The following TMEM63C variants were observed in gnomAD, a reference collection of about 807,000 sequenced individuals.
TMEM63C encodes transmembrane protein 63C.
TMEM63C carries 32 observed loss-of-function variants against 99.2 expected under a neutral mutation model. The ratio of observed to expected loss-of-function variants is 0.32; its 90% CI spans 0.24 to 0.43. The LOEUF is 0.43. Ranked by LOEUF, TMEM63C falls within the 20% of genes least tolerant of loss-of-function variation. The probability of loss-of-function intolerance (pLI) is 1.00; values close to 1 mark genes in which losing one functional copy is unlikely to be tolerated. For synonymous variants in TMEM63C, 376 were observed against 397.9 expected, an observed-to-expected ratio of 0.94 and a Z score of 0.66; for missense variants, 826 against 1,053.0, an observed-to-expected ratio of 0.78 and a Z score of 2.98.
In TMEM63C at chr14:77,256,675, G is replaced by A. The variant is rs779949439; in HGVS notation, c.2370G>A (p.Ser790=). The A allele has an allele frequency of 7.4e-6, 12 of 1,613,828 alleles. No homozygotes were observed. Among genetic ancestry groups the A allele is most frequent in the African/African-American group, 5.3e-5 (4 of 74,906 alleles). ...GLRGFARELD[S]AQFQEGLELE... is the part of the protein sequence containing the mutation. The stretch of plus-strand genomic sequence containing the variant: ...GGGGCTTTGCGAGGGAGCTAGACTC[G>A]GCCCAGTTCCAGGAAGGGCTGGAAC... The change falls in exon 24 of 24, where the codon TCG becomes TCA. Residue 790 remains serine (S), a synonymous_variant. Coordinates refer to ENST00000298351, the MANE Select transcript of TMEM63C (RefSeq NM_020431.4).
At chr14:77,202,825 GCACACACACACACACACA>G (rs60544528) in intron 1 of TMEM63C, among the ~76,000 whole-genome samples, 71 of 141,102 alleles carry the variant, frequency 5.0e-4, no homozygotes, top group African/African-American at 6.1e-4. Flanking sequence ...ACAGGCAGGC[GCACACACACACACACACA>G]CACACACACA....
At chr14:77,204,018 T>C (rs978786713) in intron 1 of TMEM63C, among the ~76,000 whole-genome samples, 1 of 152,236 alleles carries the variant, frequency 6.6e-6, no homozygotes, top group African/African-American at 2.4e-5. Flanking sequence ...GGGGAGAGGC[T>C]GGAGGGAGAA....
chr14:77,193,539 TAA>T (rs898180495), intron 1 of TMEM63C, among the ~76,000 whole-genome samples: 2 of 151,168 alleles, frequency 1.3e-5, no homozygotes, highest in Non-Finnish European at 2.9e-5. Flanking sequence ...CTACAAAAAT[TAA>T]AAAAAAATTT....
Position 77,252,206 on chromosome 14 carries a change from A to C in TMEM63C, c.2148+308A>C, listed in dbSNP as rs1218542694. On this transcript the variant is annotated intron_variant, in intron 22 of 23. Transcript: ENST00000298351. ...GCTGCGATGTGAGTCCAGTGCAGCC[A>C]CTGAACTGTGAGCCTCCAAGGACTG... Among the ~76,000 whole-genome samples the C allele has an allele frequency of 1.8e-4, 28 of 152,276 alleles. 2 individuals are homozygous for C. Among genetic ancestry groups the C allele is most frequent in the Non-Finnish European group, 1.5e-5 (1 of 68,022 alleles).
Position 77,236,665 on chromosome 14 carries a change from A to G in TMEM63C, c.584A>G (p.Tyr195Cys). The G allele has an allele frequency of 1.2e-6, 2 of 1,612,640 alleles. No homozygotes were observed. Among genetic ancestry groups the G allele is most frequent in the African/African-American group, 1.3e-5 (1 of 74,772 alleles). ...CTGCATAGCCTGCTGTCCTTCTTCT[A>G]CTTCATCACCAACTTCATGTTCATG... is the stretch of plus-strand genomic sequence containing the variant. ...LWLHSLLSFFYFITNFMFMAH... is the reference protein window; with the variant it reads ...LWLHSLLSFFCFITNFMFMAH... Residue 195 changes from tyrosine to cysteine, a missense_variant, in exon 9 of 24, where the codon TAC becomes TGC. Physicochemically the swap from Tyr to Cys is radical, Grantham distance 194. Coordinates refer to ENST00000298351, the MANE Select transcript of TMEM63C (RefSeq NM_020431.4).
At position 77,256,565 on chromosome 14, in the gene TMEM63C, C is replaced by A. The variant is rs1266333761; in HGVS notation, c.2260C>A (p.Leu754Met). 1 of 1,614,038 alleles carries A rather than the reference C, an allele frequency of 6.2e-7. No individual in the cohort carries two copies. Residue 754 changes from leucine (L) to methionine (M), a missense_variant, in exon 24 of 24, where the codon CTG becomes ATG. Leu to Met is a conservative substitution (Grantham distance 15, BLOSUM62 2). Transcript: ENST00000298351. ...ATVLQEPELN[L>M]TPASSPARHT... ...CGTGCTGCAAGAACCGGAGTTGAAT[C>A]TGACCCCCGCCTCCTCCCCAGCCAG...
chr14:77,223,452 G>C (rs1276505220), intron 5 of TMEM63C, among the ~76,000 whole-genome samples: 1 of 152,152 alleles, frequency 6.6e-6, no homozygotes, highest in Non-Finnish European at 1.5e-5. Context: ...GTCAGGTACT[G>C]TTACCCCCAG....
At chr14:77,254,444 A>G (rs1889428634) in intron 23 of TMEM63C, among the ~76,000 whole-genome samples, 1 of 152,268 alleles carries the variant, frequency 6.6e-6, no homozygotes, top group Non-Finnish European at 1.5e-5. Flanking sequence ...AGGTGCTTCC[A>G]TAATGAAGAG....
intron 1 of TMEM63C, among the ~76,000 whole-genome samples, chr14:77,201,768 G>A (rs746936899): frequency 1.9e-4 from 29 of 152,246 alleles, no homozygotes; most frequent in Non-Finnish European, 3.4e-4. Context: ...CACCAAAGAG[G>A]AGAGGAAGTA....
In TMEM63C at chr14:77,257,317, T is replaced by G. The variant is rs1320827006; in HGVS notation, c.*591T>G. On this transcript the variant is annotated 3_prime_UTR_variant, in exon 24 of 24. Coordinates refer to ENST00000298351, the MANE Select transcript of TMEM63C (RefSeq NM_020431.4). Reference sequence around the variant, plus strand: ...CCAGAGCAAGAGCCAACTGAAAGCGTAGACCTGAGAAGAGGTAACTCAGCC... The same window carrying G: ...CCAGAGCAAGAGCCAACTGAAAGCGGAGACCTGAGAAGAGGTAACTCAGCC... 6.5e-6 allele frequency: 1 copy of G among 153,122 alleles called. No homozygotes were observed. 9.5% of individuals were successfully genotyped at this position (153,122 alleles called of 1,614,324 possible).
intron 1 of TMEM63C, among the ~76,000 whole-genome samples, chr14:77,201,876 C>A (rs1394549245): frequency 1.3e-5 from 2 of 152,220 alleles, no homozygotes; most frequent in Non-Finnish European, 2.9e-5. Context: ...CTACTGGACC[C>A]CCACTCCTGA....
At position 77,259,273 on chromosome 14, in the gene TMEM63C, G is replaced by A. The variant is rs1250988647; in HGVS notation, c.*2547G>A. On this transcript the variant is annotated 3_prime_UTR_variant, in exon 24 of 24. Transcript: ENST00000298351. The stretch of plus-strand genomic sequence containing the variant: ...GTATTGCCTAGAGCCTCCAGGAGGG[G>A]CCCTCCTCAGGCCTCCAGTGGCCCC... 1 of 152,450 alleles carries A rather than the reference G, an allele frequency of 6.6e-6. No homozygotes were observed. The highest frequency in any genetic ancestry group is 1.5e-5 in the Non-Finnish European group (1 of 68,264). The allele number at this position is 152,450 out of a possible 1,614,324, so 9.4% of individuals were successfully genotyped here.
intron 6 of TMEM63C, among the ~76,000 whole-genome samples, chr14:77,228,926 G>A (rs1414589550): frequency 6.6e-6 from 1 of 152,242 alleles, no homozygotes; most frequent in Admixed American, 6.5e-5. Flanking sequence ...AAACCATGGT[G>A]TGTCCACCAG....
intron 6 of TMEM63C, among the ~76,000 whole-genome samples, chr14:77,228,739 G>A (rs150912327): frequency 0.032 from 4,898 of 152,030 alleles, 256 homozygotes; most frequent in African/African-American, 0.11. Context: ...GCTTCACCAC[G>A]TTGGCCAGGC....
intron 2 of TMEM63C, among the ~76,000 whole-genome samples, chr14:77,214,801 C>T (rs774769970): frequency 3.9e-5 from 6 of 152,076 alleles, no homozygotes; most frequent in African/African-American, 7.2e-5. Flanking sequence ...CACCGATAGC[C>T]GGAATCTCTT....
intron 1 of TMEM63C, among the ~76,000 whole-genome samples, chr14:77,201,562 G>A (rs1036362399): frequency 1.3e-5 from 2 of 152,162 alleles, no homozygotes; most frequent in African/African-American, 2.4e-5. Context: ...CTGGCCCAGC[G>A]GCATCAGCAT....
At chr14:77,188,393 C>A (rs2140088185) in intron 1 of TMEM63C, among the ~76,000 whole-genome samples, 1 of 152,290 alleles carries the variant, frequency 6.6e-6, no homozygotes, top group African/African-American at 2.4e-5. Flanking sequence ...TAATAACATT[C>A]TGTGAAAATA....
intron 1 of TMEM63C, among the ~76,000 whole-genome samples, chr14:77,211,648 T>A (rs11159252): frequency 3.3e-5 from 5 of 152,170 alleles, no homozygotes; most frequent in Admixed American, 1.3e-4. Flanking sequence ...TCTGGAGGCC[T>A]GGGAGTGAGC....
intron 11 of TMEM63C, 40 bp downstream of exon 11, chr14:77,239,532 G>A: frequency 1.2e-6 from 2 of 1,612,330 alleles, no homozygotes; most frequent in Non-Finnish European, 1.7e-6. Context: ...CGGGGTGGGG[G>A]TAAAAGGGGA....
Sources: gnomAD v4.1 joint callset for allele counts (sites outside exome capture counted in the v4.1 genomes callset) on GRCh38, gnomAD v4.1.1 for gene constraint, MANE v1.5 for transcripts, NCBI Gene and HGNC (gene_info 2026-07-23, HGNC 2026-07-21) for gene names.